ADGRA2: variants seen among roughly 807,000 people sequenced by gnomAD.
The protein encoded by ADGRA2 is adhesion G protein-coupled receptor A2.
A neutral mutation model predicts 98.7 loss-of-function variants in ADGRA2; 61 were observed. That is an observed-to-expected ratio of 0.62 (90% confidence interval 0.50 to 0.76). ADGRA2 has a LOEUF of 0.76. Ranked by LOEUF, ADGRA2 falls within the 30% of genes least tolerant of loss-of-function variation. The probability of loss-of-function intolerance (pLI) is 0.00; values close to 1 mark genes in which losing one functional copy is unlikely to be tolerated. For synonymous variants in ADGRA2, 858 were observed against 831.5 expected, an observed-to-expected ratio of 1.03 and a Z score of -0.55; for missense variants, 1,712 against 1,860.0, an observed-to-expected ratio of 0.92 and a Z score of 1.46.
Position 37,844,666 on chromosome 8 carries a change from T to C in ADGRA2, c.*2311T>C. 2 of 1,614,092 alleles carry C rather than the reference T, an allele frequency of 1.2e-6. No homozygotes were observed. The highest frequency in any genetic ancestry group is 1.1e-5 in the South Asian group (1 of 91,074). On this transcript the variant is annotated 3_prime_UTR_variant, in exon 19 of 19. Transcript: ENST00000412232. ...CAGATCCGCTTCGGGGACTTCAACA[T>C]GCAGGGTGGCAAGAGAAGGGCAGGA...
intron 1 of ADGRA2, among the ~76,000 whole-genome samples, chr8:37,800,978 G>A (rs1186995806): frequency 2.6e-5 from 4 of 151,986 alleles, no homozygotes; most frequent in East Asian, 3.9e-4. Context: ...ATGGGGCCCC[G>A]GGGCACTCAG....
intron 8 of ADGRA2, 43 bp from the exon 9 acceptor site, chr8:37,832,967 T>C (rs1403603467): frequency 1.3e-6 from 2 of 1,498,028 alleles, no homozygotes; most frequent in Non-Finnish European, 1.9e-6. Context: ...GCTGTTGTTC[T>C]GAGAAGCCCG....
At chr8:37,837,438 G>A (rs905745572) in intron 13 of ADGRA2, among the ~76,000 whole-genome samples, 4 of 131,276 alleles carry the variant, frequency 3.0e-5, no homozygotes, top group Non-Finnish European at 4.7e-5. Flanking sequence ...CTGAGCCCCC[G>A]CCAGCCTGAG....
chr8:37,827,620 A>G (rs1417021438), intron 2 of ADGRA2, among the ~76,000 whole-genome samples: 2 of 152,204 alleles, frequency 1.3e-5, no homozygotes, highest in Admixed American at 6.5e-5. Flanking sequence ...GTCTCCCGAC[A>G]CTGCGGGCTC....
chr8:37,844,768 C>G lies in ADGRA2; in HGVS notation c.*2413C>G. ...CCTTCTCCTTGCCCCTGTCCCCACC[C>G]CGGTGGCTCCTTCTCTCGGGTCTCC... On this transcript the variant is annotated 3_prime_UTR_variant, in exon 19 of 19. Transcript: ENST00000412232. The G allele has an allele frequency of 6.2e-7, 1 of 1,614,030 alleles. No individual in the cohort carries two copies.
At position 37,833,079 on chromosome 8, in the gene ADGRA2, C is replaced by T. The variant is rs1563349496; in HGVS notation, c.1167C>T (p.Pro389=). Residue 389 remains proline (P), a synonymous_variant, in exon 9 of 19, where the codon CCC becomes CCT. Coordinates refer to ENST00000412232, the MANE Select transcript of ADGRA2 (RefSeq NM_032777.10). The stretch of plus-strand genomic sequence containing the variant: ...TGCAGTATCCCTTCACCTCAGTGCC[C>T]CTGGGCGGGGGTGCCCCGGGCACCC... ...SCLQYPFTSV[P]LGGGAPGTRA... 2 of 1,612,930 alleles carry T rather than the reference C, an allele frequency of 1.2e-6. No individual in the cohort carries two copies. Among genetic ancestry groups the T allele is most frequent in the South Asian group, 1.1e-5 (1 of 91,078 alleles).
chr8:37,824,319 A>T (rs937078082), intron 2 of ADGRA2, among the ~76,000 whole-genome samples: 1 of 150,836 alleles, frequency 6.6e-6, no homozygotes, highest in South Asian at 2.1e-4. Context: ...ATGAGCCATC[A>T]TGCCCAGCCT....
intron 2 of ADGRA2, among the ~76,000 whole-genome samples, chr8:37,828,481 C>CTT (rs35779657): frequency 0.018 from 1,463 of 82,894 alleles, 43 homozygotes; most frequent in East Asian, 0.071. Context: ...GGGGGTGGTT[C>CTT]TTTTTTTTTT....
At chr8:37,822,481 A>C (rs1255870598) in intron 2 of ADGRA2, among the ~76,000 whole-genome samples, 1 of 151,876 alleles carries the variant, frequency 6.6e-6, no homozygotes, top group Non-Finnish European at 1.5e-5. Flanking sequence ...ATAAAAGTTC[A>C]CCCGTTTAAA....
chr8:37,833,685 C>T lies in ADGRA2; in HGVS notation c.1297-3C>T. 6.2e-7 allele frequency: 1 copy of T among 1,613,954 alleles called. No individual in the cohort carries two copies. The highest frequency in any genetic ancestry group is 8.5e-7 in the Non-Finnish European group (1 of 1,179,844). ...TGATCCTCTCTCTTCCCCCAATCCC[C>T]AGATGCCCATCAATGCCTCCAATGC... On this transcript the variant is annotated splice_polypyrimidine_tract_variant and splice_region_variant and intron_variant, in intron 9 of 18. Coordinates refer to ENST00000412232, the MANE Select transcript of ADGRA2 (RefSeq NM_032777.10).
intron 1 of ADGRA2, among the ~76,000 whole-genome samples, chr8:37,799,473 C>A (rs185184263): frequency 3.9e-5 from 6 of 151,962 alleles, no homozygotes; most frequent in Non-Finnish European, 2.9e-5. Flanking sequence ...GTGTTCTCTG[C>A]GTGTCTCTGT....
At chr8:37,806,734 T>TG (rs1804681638) in intron 1 of ADGRA2, among the ~76,000 whole-genome samples, 1 of 152,124 alleles carries the variant, frequency 6.6e-6, no homozygotes, top group South Asian at 2.1e-4. Context: ...TTCACCATGT[T>TG]GGCCAGGCTG....
chr8:37,803,257 C>T (rs1382628224), intron 1 of ADGRA2, among the ~76,000 whole-genome samples: 2 of 152,220 alleles, frequency 1.3e-5, no homozygotes, highest in African/African-American at 2.4e-5. Context: ...TGTCCTTCCA[C>T]TCCGTGGAGG....
intron 1 of ADGRA2, among the ~76,000 whole-genome samples, chr8:37,812,159 T>A (rs891835562): frequency 0.016 from 2,142 of 133,154 alleles, 48 homozygotes; most frequent in African/African-American, 0.065. Flanking sequence ...AATGGTGTTG[T>A]TGTTGTTGTT....
At chr8:37,835,512 A>G in intron 12 of ADGRA2, 42 bp from the exon 13 acceptor site, 1 of 1,497,524 alleles carries the variant, frequency 6.7e-7, no homozygotes, top group Admixed American at 1.7e-5. Flanking sequence ...TCAGTGCTCT[A>G]GGGGGTCCTG....
rs781422732 is a variant in ADGRA2 at position 37,841,353 on chromosome 8, C to T, written c.3015C>T (p.Pro1005=). 1 of 1,606,736 alleles carries T rather than the reference C, an allele frequency of 6.2e-7. No homozygotes were observed. Among genetic ancestry groups the T allele is most frequent in the Non-Finnish European group, 8.5e-7 (1 of 1,177,058 alleles). ...GCGCGCGAGTGGGGACGCCCGGGCC[C>T]CCGGAGGATGGTGACAGCCTCTATT... ...TGSARVGTPG[P]PEDGDSLYSP... The change falls in exon 19 of 19, where the codon CCC becomes CCT. Residue 1005 remains proline (P), a synonymous_variant. Transcript: ENST00000412232. The surrounding 1 kb of genome is among the most constrained non-coding windows in gnomAD (Gnocchi z 5.0).
At chr8:37,817,326 C>T (rs767747720) in intron 2 of ADGRA2, among the ~76,000 whole-genome samples, 2 of 152,200 alleles carry the variant, frequency 1.3e-5, no homozygotes, top group African/African-American at 2.4e-5. Flanking sequence ...CACGCGGCTC[C>T]GTGACTAGGT....
chr8:37,812,153 G>GTGTTGTTGTTGT (rs36232957), intron 1 of ADGRA2, among the ~76,000 whole-genome samples: 1 of 142,102 alleles, frequency 7.0e-6, no homozygotes, highest in African/African-American at 2.5e-5. Context: ...ACTTGCAATG[G>GTGTTGTTGTTGT]TGTTGTTGTT....
Position 37,829,849 on chromosome 8 carries a change from A to G in ADGRA2, c.555-2A>G. On this transcript the variant is annotated splice_acceptor_variant, in intron 5 of 18. Transcript: ENST00000412232. LOFTEE classifies it high-confidence loss of function. ...TCCGTGACCCCTCTGCCCACCCTGC[A>G]GGGACTTGGGCACCGAGTTCCTGAC... 1 of 1,609,354 alleles carries G rather than the reference A, an allele frequency of 6.2e-7. No homozygotes were observed.
Sources: gnomAD v4.1 joint callset for allele counts (sites outside exome capture counted in the v4.1 genomes callset) on GRCh38, gnomAD v4.1.1 for gene constraint, Gnocchi (gnomAD v3.1) non-coding constraint, MANE v1.5 for transcripts, NCBI Gene and HGNC (gene_info 2026-07-23, HGNC 2026-07-21) for gene names.